The following CATSPER4 variants were observed in gnomAD, a reference collection of about 807,000 sequenced individuals.
CATSPER4 encodes the protein cation channel sperm associated 4, also known as cation channel sperm-associated protein 4.
In CATSPER4, 46 loss-of-function variants were observed where a neutral mutation model predicts 54.4. That is an observed-to-expected ratio of 0.84 (90% CI 0.67 to 1.08). The LOEUF is 1.08. CATSPER4 is among the 50% of genes least tolerant of loss of function. The pLI, the probability that CATSPER4 is intolerant of heterozygous loss-of-function variation, is 0.00. For synonymous variants in CATSPER4, 230 were observed against 231.9 expected, an observed-to-expected ratio of 0.99 and a Z score of 0.08; for missense variants, 574 against 612.8, an observed-to-expected ratio of 0.94 and a Z score of 0.67.
At chr1:26,200,586 G>C (rs1437324059) in intron 7 of CATSPER4, among the ~76,000 whole-genome samples, 1 of 152,040 alleles carries the variant, frequency 6.6e-6, no homozygotes, top group Non-Finnish European at 1.5e-5. Context: ...TATCAGGGTT[G>C]AAATCTGGGG....
rs1159385785 is a variant in CATSPER4, at chr1:26,190,753, C to G, written c.126C>G (p.Pro42=). Residue 42 remains proline (P), a synonymous_variant, in exon 1 of 10, where the codon CCC becomes CCG. Coordinates refer to ENST00000456354, the MANE Select transcript of CATSPER4 (RefSeq NM_198137.2). ...GGAVAALRGR[P]SPLQSTIHES... is the part of the protein sequence containing the mutation. ...CAGTAGCTGCACTGAGGGGCCGCCC[C>G]TCTCCCCTGCAGAGTACCATTCACG... The G allele has an allele frequency of 1.2e-6, 2 of 1,613,572 alleles. No homozygotes were observed. The highest frequency in any genetic ancestry group is 2.2e-5 in the South Asian group (2 of 90,960).
Position 26,197,511 on chromosome 1 carries a change from G to A in CATSPER4, c.460-175G>A, listed in dbSNP as rs182341909. Among the ~76,000 whole-genome samples, 214 of 152,322 alleles carry A rather than the reference G, an allele frequency of 1.4e-3. 1 individual carries two copies. The highest frequency in any genetic ancestry group is 6.8e-3 in the Middle Eastern group (2 of 292). ...CACATGTATGGGACAGAGAGTACAC[G>A]TGTGTTTTGTGGCTTGTTTGGGGGG... On this transcript the variant is annotated intron_variant, in intron 3 of 9. Coordinates refer to ENST00000456354, the MANE Select transcript of CATSPER4 (RefSeq NM_198137.2).
chr1:26,190,685 G>A lies in CATSPER4; in HGVS notation c.58G>A (p.Gly20Arg). The change falls in exon 1 of 10, where the codon GGG becomes AGG. Residue 20 changes from glycine to arginine, a missense_variant. Gly to Arg is a moderately radical substitution (Grantham distance 125, BLOSUM62 -2). Transcript: ENST00000456354. ...QQWTSHTGLEGWGGTQEDRMG... is the reference protein window; with the variant it reads ...QQWTSHTGLERWGGTQEDRMG... ...ATGGACCTCCCATACAGGCCTCGAG[G>A]GGTGGGGCGGGACTCAGGAGGACCG... The A allele has an allele frequency of 6.2e-7, 1 of 1,611,756 alleles. No homozygotes were observed. Among genetic ancestry groups the A allele is most frequent in the Non-Finnish European group, 8.5e-7 (1 of 1,179,950 alleles).
At chr1:26,201,554 C>A (rs1327697502) in intron 9 of CATSPER4, 35 bp downstream of exon 9, 1 of 1,609,264 alleles carries the variant, frequency 6.2e-7, no homozygotes, top group African/African-American at 1.3e-5. Flanking sequence ...TGGGTACTCG[C>A]CCTGACACTC....
At chr1:26,199,844 G>A in intron 6 of CATSPER4, 40 bp from the exon 7 acceptor site, 1 of 1,608,562 alleles carries the variant, frequency 6.2e-7, no homozygotes, top group Non-Finnish European at 8.5e-7. Flanking sequence ...CAGGCTTGAA[G>A]GGCCAGGGAA....
chr1:26,199,598 C>CAAAAAAAAAAAAA (rs561742837), intron 6 of CATSPER4, among the ~76,000 whole-genome samples: 11 of 113,850 alleles, frequency 9.7e-5, no homozygotes, highest in Non-Finnish European at 1.1e-4. Flanking sequence ...GACTCCATCT[C>CAAAAAAAAAAAAA]AAAAAAAAAA....
rs202016961 is a variant in CATSPER4, at chr1:26,198,094, G to A, written c.678+17G>A. 1.3e-4 allele frequency: 216 copies of A among 1,614,076 alleles called. No individual in the cohort carries two copies. The highest frequency in any genetic ancestry group is 1.1e-3 in the Admixed American group (65 of 60,026). On this transcript the variant is annotated intron_variant, in intron 5 of 9. Transcript: ENST00000456354. ...TTCATGCTGGTCAGTGCCTGCCCCC[G>A]CCCCCAGCTGTTTCCCTTCCCTGAA...
intron 6 of CATSPER4, 29 bp downstream of exon 6, chr1:26,198,448 T>A: frequency 6.2e-7 from 1 of 1,613,666 alleles, no homozygotes; most frequent in Non-Finnish European, 8.5e-7. Flanking sequence ...TCCAGCCTCA[T>A]CCCACCTATG....
At position 26,195,590 on chromosome 1, in the gene CATSPER4, TC is replaced by T. The variant is rs1181945639; in HGVS notation, c.459+1706del. Among the ~76,000 whole-genome samples the T allele has an allele frequency of 8.0e-5, 12 of 150,938 alleles. No homozygotes were observed. In the South Asian group the frequency reaches 2.1e-3, roughly 26 times the overall value. On this transcript the variant is annotated intron_variant, in intron 3 of 9. Coordinates refer to ENST00000456354, the MANE Select transcript of CATSPER4 (RefSeq NM_198137.2). ...ATCTCGGCTCACTGCAAGCTCTGCCTCCCCGGGTTCACACCATTCTTCTGCC... is the reference window on the plus strand; with the variant it reads ...ATCTCGGCTCACTGCAAGCTCTGCCTCCCGGGTTCACACCATTCTTCTGCC...
chr1:26,192,520 G>T (rs1224986464), intron 2 of CATSPER4, among the ~76,000 whole-genome samples: 2 of 151,804 alleles, frequency 1.3e-5, no homozygotes, highest in African/African-American at 2.4e-5. Flanking sequence ...AAGCAGGGAG[G>T]CGGAGGTTGC....
At position 26,197,789 on chromosome 1, in the gene CATSPER4, C is replaced by A. The variant is rs76436256; in HGVS notation, c.557+6C>A. The A allele has an allele frequency of 2.1e-3, 3,432 of 1,610,936 alleles. 81 individuals carry two copies. In the African/African-American group the frequency reaches 0.041, roughly 19 times the overall value. On this transcript the variant is annotated splice_donor_region_variant and intron_variant, in intron 4 of 9. Coordinates refer to ENST00000456354, the MANE Select transcript of CATSPER4 (RefSeq NM_198137.2). ...TCCATCAACTACACTCTCAGGTGAG[C>A]GGGGAGCTCTGGAGAAATGAGGGGG... is the stretch of plus-strand genomic sequence containing the variant.
Position 26,198,367 on chromosome 1 carries a change from C to T in CATSPER4, c.760C>T (p.Leu254Phe). The T allele has an allele frequency of 3.1e-6, 5 of 1,614,192 alleles. No homozygotes were observed. Among genetic ancestry groups the T allele is most frequent in the Non-Finnish European group, 4.2e-6 (5 of 1,180,046 alleles). Residue 254 changes from leucine (L) to phenylalanine (F), a missense_variant, in exon 6 of 10, where the codon CTC becomes TTC. Physicochemically the swap from Leu to Phe is conservative, Grantham distance 22. Transcript: ENST00000456354. ...GAACATACAGGTTGCGCTGTACACC[C>T]TCTTCATCTGCATCACCCAGGACGG... is the stretch of plus-strand genomic sequence containing the variant. ...FQNIQVALYT[L>F]FICITQDGWV...
chr1:26,191,419 T>C lies in CATSPER4; in HGVS notation c.346T>C (p.Tyr116His), dbSNP rs774003285. Residue 116 changes from tyrosine (Y) to histidine (H), a missense_variant, in exon 2 of 10, where the codon TAC becomes CAC. Physicochemically the swap from Tyr to His is moderately conservative, Grantham distance 83 (BLOSUM62 2). Coordinates refer to ENST00000456354, the MANE Select transcript of CATSPER4 (RefSeq NM_198137.2). ...CACCATCGCTCTCCGTACCAACTCC[T>C]ACCTGGACCAGGTGGGATGCCAGCA... Reference protein sequence around the residue: ...AITIALRTNSYLDQKHYELFS... With the variant: ...AITIALRTNSHLDQKHYELFS... 6.2e-7 allele frequency: 1 copy of C among 1,614,122 alleles called. No homozygotes were observed. Among genetic ancestry groups the C allele is most frequent in the South Asian group, 1.1e-5 (1 of 91,076 alleles).
Position 26,197,976 on chromosome 1 carries a change from G to A in CATSPER4, c.577G>A (p.Val193Met). 2 of 1,613,658 alleles carry A rather than the reference G, an allele frequency of 1.2e-6. No homozygotes were observed. Among genetic ancestry groups the A allele is most frequent in the Non-Finnish European group, 1.7e-6 (2 of 1,180,028 alleles). The change falls in exon 5 of 10, where the codon GTG (valine) becomes ATG (methionine). Residue 193 changes from valine (V) to methionine (M), a missense_variant. By Grantham distance (21) the Val-to-Met change is conservative. Transcript: ENST00000456354. Reference sequence around the variant, plus strand: ...CCACAGGGCGCTTCGTCTGGTGCATGTGTGCATGGCGGTGGAGCCCCTCGC... The same window carrying A: ...CCACAGGGCGCTTCGTCTGGTGCATATGTGCATGGCGGTGGAGCCCCTCGC... ...YTLRALRLVH[V>M]CMAVEPLARI...
chr1:26,192,035 G>A (rs1374018106), intron 2 of CATSPER4, among the ~76,000 whole-genome samples: 1 of 152,078 alleles, frequency 6.6e-6, no homozygotes, highest in East Asian at 1.9e-4. Flanking sequence ...AAAGAGAGGT[G>A]GGGGAGACTT....
At chr1:26,201,315 C>A in intron 8 of CATSPER4, 39 bp from the exon 9 acceptor site, 2 of 1,608,622 alleles carry the variant, frequency 1.2e-6, no homozygotes, top group Non-Finnish European at 1.7e-6. Context: ...CTTCCCTCCC[C>A]TGAGGCCTTC....
Position 26,201,335 on chromosome 1 carries a change from C to G in CATSPER4, c.1200-19C>G. 6.2e-7 allele frequency: 1 copy of G among 1,613,402 alleles called. No homozygotes were observed. The highest frequency in any genetic ancestry group is 8.5e-7 in the Non-Finnish European group (1 of 1,179,840). ...CTCCCCTGAGGCCTTCTGAAAGGCA[C>G]TCACTGCTCCACCCCCAGGATTGTG... On this transcript the variant is annotated intron_variant, in intron 8 of 9. Coordinates refer to ENST00000456354, the MANE Select transcript of CATSPER4 (RefSeq NM_198137.2).
At chr1:26,198,570 A>G in intron 6 of CATSPER4, 151 bp downstream of exon 6, 2 of 953,710 alleles carry the variant, frequency 2.1e-6, no homozygotes, top group Non-Finnish European at 3.2e-6. Context: ...GGAAAAGGAA[A>G]TACCTGGACT....
rs376226650 is a variant in CATSPER4, at chr1:26,193,737, C to T, written c.358-50C>T. ...CCTCTCCCTGCCGGCTTGCCCAGGC[C>T]CTGCTCCACTGACCTCTCTGCCCCT... On this transcript the variant is annotated intron_variant, in intron 2 of 9. Coordinates refer to ENST00000456354, the MANE Select transcript of CATSPER4 (RefSeq NM_198137.2). The T allele has an allele frequency of 8.7e-4, 1,095 of 1,253,230 alleles. 5 individuals are homozygous for T. The highest frequency in any genetic ancestry group is 1.1e-3 in the Non-Finnish European group (966 of 850,936). The allele number at this position is 1,253,230 out of a possible 1,614,324, so 77.6% of individuals were successfully genotyped here. A position where few individuals can be genotyped will look rare whatever the true frequency, so the allele number is the denominator to read the frequency against.
Sources: gnomAD v4.1 joint callset for allele counts (sites outside exome capture counted in the v4.1 genomes callset) on GRCh38, gnomAD v4.1.1 for gene constraint, MANE v1.5 for transcripts, NCBI Gene and HGNC (gene_info 2026-07-23, HGNC 2026-07-21) for gene names.